The following EBF3 variants were observed in gnomAD, a reference collection of about 807,000 sequenced individuals.
The protein encoded by EBF3 is transcription factor COE3.
A neutral mutation model predicts 77.1 loss-of-function variants in EBF3; 18 were observed. The observed-to-expected ratio is 0.23, with a 90% CI of 0.16 to 0.35. EBF3 has a LOEUF of 0.35. EBF3 is among the 10% of genes least tolerant of loss of function. EBF3 has a pLI of 1.00. For synonymous variants in EBF3, 350 were observed against 343.5 expected, an observed-to-expected ratio of 1.02 and a Z score of -0.21; for missense variants, 558 against 860.0, an observed-to-expected ratio of 0.65 and a Z score of 4.39.
Position 129,848,997 on chromosome 10 carries a change from C to T in EBF3, c.1040-517G>A, listed in dbSNP as rs1850665095. On this transcript the variant is annotated intron_variant, in intron 10 of 16. Coordinates refer to ENST00000440978, the MANE Select transcript of EBF3 (RefSeq NM_001375380.1). The surrounding 1 kb of genome is among the most constrained non-coding windows in gnomAD (Gnocchi z 4.4). Reference sequence around the variant, plus strand: ...TAATCTGTGAATGGCTGCCTACAAACTGATGTAGGGCACTATCATTCTACA... The same window carrying T: ...TAATCTGTGAATGGCTGCCTACAAATTGATGTAGGGCACTATCATTCTACA... Among the ~76,000 whole-genome samples the T allele has an allele frequency of 6.6e-6, 1 of 152,248 alleles. No individual in the cohort carries two copies. The highest frequency in any genetic ancestry group is 1.9e-4 in the East Asian group (1 of 5,196).
intron 6 of EBF3, among the ~76,000 whole-genome samples, chr10:129,926,307 C>A (rs1856665724): frequency 6.6e-6 from 1 of 152,124 alleles, no homozygotes; most frequent in African/African-American, 2.4e-5. Context: ...GGAAGGGAGT[C>A]CCCCTTCCTG....
Position 129,947,007 on chromosome 10 carries a change from C to T in EBF3, c.554+10251G>A, listed in dbSNP as rs1414011670. Among the ~76,000 whole-genome samples, 2 of 152,196 alleles carry T rather than the reference C, an allele frequency of 1.3e-5. No homozygotes were observed. Among genetic ancestry groups the T allele is most frequent in the East Asian group, 3.9e-4 (2 of 5,188 alleles). ...ATGTCTTGGTAACTGATGGCGGCTGCCCAGTGGCTGGATCGGGCCGATGAC... is the reference window on the plus strand; with the variant it reads ...ATGTCTTGGTAACTGATGGCGGCTGTCCAGTGGCTGGATCGGGCCGATGAC... On this transcript the variant is annotated intron_variant, in intron 6 of 16. Coordinates refer to ENST00000440978, the MANE Select transcript of EBF3 (RefSeq NM_001375380.1). The surrounding 1 kb of genome is among the most constrained non-coding windows in gnomAD (Gnocchi z 4.5).
chr10:129,848,491 A>G lies in EBF3; in HGVS notation c.1040-11T>C, dbSNP rs756358194. On this transcript the variant is annotated splice_polypyrimidine_tract_variant and intron_variant, in intron 10 of 16. Transcript: ENST00000440978. This position sits in a 1 kb window ranked among gnomAD's most constrained non-coding sequence, Gnocchi z 4.4. ...TTGGTTCATTAAGGGCTGCAACAGG[A>G]CACAGAAATGTAGATCAGGTTAATT... is the stretch of plus-strand genomic sequence containing the variant. 6.2e-7 allele frequency: 1 copy of G among 1,613,964 alleles called. No individual in the cohort carries two copies. Among genetic ancestry groups the G allele is most frequent in the Non-Finnish European group, 8.5e-7 (1 of 1,179,788 alleles).
chr10:129,885,837 G>A lies in EBF3; in HGVS notation c.555-7988C>T, dbSNP rs7082533. Among the ~76,000 whole-genome samples the A allele has an allele frequency of 0.87, 131,896 of 152,094 alleles. 57,824 individuals carry two copies. Among genetic ancestry groups the A allele is most frequent in the African/African-American group, 0.96 (39,965 of 41,506 alleles). On this transcript the variant is annotated intron_variant, in intron 6 of 16. Coordinates refer to ENST00000440978, the MANE Select transcript of EBF3 (RefSeq NM_001375380.1). The surrounding 1 kb of genome is among the most constrained non-coding windows in gnomAD (Gnocchi z 4.0). ...TGACTTGTTGCCAGCTCCAGGGGAG[G>A]CTTTTACAGGTTATGCAGAGATTAA...
chr10:129,919,390 T>G (rs1280677033), intron 6 of EBF3, among the ~76,000 whole-genome samples: 1 of 151,958 alleles, frequency 6.6e-6, no homozygotes, highest in Non-Finnish European at 1.5e-5. Flanking sequence ...CCACAGGGAA[T>G]AAGGCTGGGG....
rs1857936559 is a variant in EBF3, at chr10:129,943,455, T to C, written c.554+13803A>G. On this transcript the variant is annotated intron_variant, in intron 6 of 16. Transcript: ENST00000440978. This position sits in a 1 kb window ranked among gnomAD's most constrained non-coding sequence, Gnocchi z 8.8. ...CGCTAAAATTTGATGTCCCTTGGGA[T>C]TTGTGGTTTTCTCCATCATTATATA... Among the ~76,000 whole-genome samples the C allele has an allele frequency of 1.3e-5, 2 of 152,170 alleles. No individual in the cohort carries two copies. The highest frequency in any genetic ancestry group is 4.1e-4 in the South Asian group (2 of 4,834).
intron 6 of EBF3, among the ~76,000 whole-genome samples, chr10:129,886,045 T>C (rs1019492525): frequency 1.1e-4 from 1 of 9,178 alleles, no homozygotes; most frequent in African/African-American, 2.6e-3. Context: ...TTTTTTTTTT[T>C]TTTTTTTTTT....
chr10:129,862,200 G>T (rs1390984301), intron 10 of EBF3, among the ~76,000 whole-genome samples: 1 of 152,200 alleles, frequency 6.6e-6, no homozygotes, highest in Admixed American at 6.5e-5. Context: ...GTATCAGAAA[G>T]AACAGAAACT....
Position 129,861,682 on chromosome 10 carries a change from C to A in EBF3, c.1039+5459G>T, listed in dbSNP as rs557800736. Among the ~76,000 whole-genome samples, 1 of 152,230 alleles carries A rather than the reference C, an allele frequency of 6.6e-6. No homozygotes were observed. Among genetic ancestry groups the A allele is most frequent in the East Asian group, 1.9e-4 (1 of 5,166 alleles). Reference sequence around the variant, plus strand: ...GGAACGAACAGTCAGCCACGGGGGGCCCCTGGCCACACCACGGGATGATGA... The same window carrying A: ...GGAACGAACAGTCAGCCACGGGGGGACCCTGGCCACACCACGGGATGATGA... On this transcript the variant is annotated intron_variant, in intron 10 of 16. Coordinates refer to ENST00000440978, the MANE Select transcript of EBF3 (RefSeq NM_001375380.1). This position sits in a 1 kb window ranked among gnomAD's most constrained non-coding sequence, Gnocchi z 4.3.
At chr10:129,844,196 C>T (rs1472332470) in intron 11 of EBF3, among the ~76,000 whole-genome samples, 3 of 150,848 alleles carry the variant, frequency 2.0e-5, no homozygotes, top group Non-Finnish European at 4.4e-5. Flanking sequence ...ACCCCAGGCC[C>T]GGTCTAGGAG....
At chr10:129,915,516 T>C (rs1410594915) in intron 6 of EBF3, among the ~76,000 whole-genome samples, 1 of 148,586 alleles carries the variant, frequency 6.7e-6, no homozygotes, top group Non-Finnish European at 1.5e-5. Flanking sequence ...CAAGACAAGT[T>C]GGGTGTTGCT....
rs143152759 is a variant in EBF3 at position 129,935,978 on chromosome 10, GC to G, written c.554+21279del. ...ATCCATCGGGGGGCTTCCTGAAGCT[GC>G]CCCCCCCGCCCAACAATGCAGCTGG... is the stretch of plus-strand genomic sequence containing the variant. On this transcript the variant is annotated intron_variant, in intron 6 of 16. Coordinates refer to ENST00000440978, the MANE Select transcript of EBF3 (RefSeq NM_001375380.1). This position sits in a 1 kb window ranked among gnomAD's most constrained non-coding sequence, Gnocchi z 4.2. 4.0e-5 allele frequency among the ~76,000 whole-genome samples: 6 copies of G among 150,132 alleles called. No homozygotes were observed. Among genetic ancestry groups the G allele is most frequent in the South Asian group, 2.1e-4 (1 of 4,774 alleles).
Position 129,848,522 on chromosome 10 carries a change from T to C in EBF3, c.1040-42A>G. The C allele has an allele frequency of 6.3e-7, 1 of 1,597,064 alleles. No homozygotes were observed. Among genetic ancestry groups the C allele is most frequent in the Non-Finnish European group, 8.6e-7 (1 of 1,164,430 alleles). On this transcript the variant is annotated intron_variant, in intron 10 of 16. Coordinates refer to ENST00000440978, the MANE Select transcript of EBF3 (RefSeq NM_001375380.1). This position sits in a 1 kb window ranked among gnomAD's most constrained non-coding sequence, Gnocchi z 4.4. ...AAATGTAGATCAGGTTAATTACTTT[T>C]ATGTCATCCATTACTCGTTTATTGC...
At chr10:129,857,419 C>G (rs1851329356) in intron 10 of EBF3, among the ~76,000 whole-genome samples, 1 of 152,126 alleles carries the variant, frequency 6.6e-6, no homozygotes, top group East Asian at 1.9e-4. Context: ...CCATGCCCAG[C>G]TGGCACTCCT....
intron 6 of EBF3, among the ~76,000 whole-genome samples, chr10:129,924,236 G>A (rs1856495839): frequency 6.6e-6 from 1 of 152,090 alleles, no homozygotes; most frequent in South Asian, 2.1e-4. Flanking sequence ...CCAACATGGT[G>A]AAACCCCATC....
Position 129,841,155 on chromosome 10 carries a change from C to T in EBF3, c.1373-123G>A, listed in dbSNP as rs1045949174. 82 of 1,293,724 alleles carry T rather than the reference C, an allele frequency of 6.3e-5. No individual in the cohort carries two copies. Among genetic ancestry groups the T allele is most frequent in the Admixed American group, 2.4e-5 (1 of 41,792 alleles). The allele number at this position is 1,293,724 out of a possible 1,614,324, so 80.1% of individuals were successfully genotyped here. A position where few individuals can be genotyped will look rare whatever the true frequency, so the allele number is the denominator to read the frequency against. On this transcript the variant is annotated intron_variant, in intron 13 of 16. Coordinates refer to ENST00000440978, the MANE Select transcript of EBF3 (RefSeq NM_001375380.1). The surrounding 1 kb of genome is among the most constrained non-coding windows in gnomAD (Gnocchi z 4.6). ...TAATTGACCCTGTGCTTTCCACCTG[C>T]TCTAGCGCCTGCTGCCAGCTCGGAT...
rs534990990 is a variant in EBF3, at chr10:129,938,252, T to A, written c.554+19006A>T. Among the ~76,000 whole-genome samples the A allele has an allele frequency of 6.6e-6, 1 of 151,928 alleles. No homozygotes were observed. The highest frequency in any genetic ancestry group is 1.5e-5 in the Non-Finnish European group (1 of 67,984). On this transcript the variant is annotated intron_variant, in intron 6 of 16. Coordinates refer to ENST00000440978, the MANE Select transcript of EBF3 (RefSeq NM_001375380.1). This position sits in a 1 kb window ranked among gnomAD's most constrained non-coding sequence, Gnocchi z 5.1. ...AATTAGTGGGTTTTTTTAAAGTTCA[T>A]GGCGGGGCCGGGTGCAATGGCTCTC...
rs1390620524 is a variant in EBF3 at position 129,836,407 on chromosome 10, AT to A, written c.*1535del. 1 of 152,156 alleles carries A rather than the reference AT, an allele frequency of 6.6e-6. No homozygotes were observed. The highest frequency in any genetic ancestry group is 1.5e-5 in the Non-Finnish European group (1 of 67,800). The allele number at this position is 152,156 out of a possible 1,614,324, so 9.4% of individuals were successfully genotyped here. The stretch of plus-strand genomic sequence containing the variant: ...ACATTCTACAAAAAAATAAAATAAA[AT>A]AAGGACACAGCCCCAAACGGTGTCA... On this transcript the variant is annotated 3_prime_UTR_variant, in exon 17 of 17. Coordinates refer to ENST00000440978, the MANE Select transcript of EBF3 (RefSeq NM_001375380.1).
chr10:129,850,620 G>C lies in EBF3; in HGVS notation c.1040-2140C>G, dbSNP rs996909500. Among the ~76,000 whole-genome samples the C allele has an allele frequency of 1.3e-5, 2 of 152,220 alleles. 1 individual carries two copies. Among genetic ancestry groups the C allele is most frequent in the Admixed American group, 1.3e-4 (2 of 15,282 alleles). On this transcript the variant is annotated intron_variant, in intron 10 of 16. Transcript: ENST00000440978. ...GCTCTAAATCCCTTCCAGGGGCTGG[G>C]CTACTGGAAGCCCAGTGAGTTCACG...
Sources: gnomAD v4.1 joint callset for allele counts (sites outside exome capture counted in the v4.1 genomes callset) on GRCh38, gnomAD v4.1.1 for gene constraint, Gnocchi (gnomAD v3.1) non-coding constraint, MANE v1.5 for transcripts, NCBI Gene and HGNC (gene_info 2026-07-23, HGNC 2026-07-21) for gene names.